Variants in DTD1 observed in about 807,000 individuals in gnomAD.
DTD1 encodes the protein D-tyrosyl-tRNA deacylase 1 homolog.
Under a neutral mutation model 25.6 loss-of-function variants are expected in DTD1, and 13 were observed. The observed-to-expected ratio is 0.51, with a 90% CI of 0.33 to 0.81. The LOEUF is 0.81. Ranked by LOEUF, DTD1 falls within the 30% of genes least tolerant of loss-of-function variation. DTD1 has a pLI of 0.02. For synonymous variants in DTD1, 110 were observed against 103.6 expected (o/e 1.06, Z -0.37); for missense variants, 193 against 266.4 (o/e 0.72, Z 1.92).
chr20:18,750,618 C>T (rs1884787), intron 5 of DTD1, among the ~76,000 whole-genome samples: 82,684 of 152,048 alleles, frequency 0.54, 23,660 homozygotes, highest in Non-Finnish European at 0.62. Flanking sequence ...TGTCACATTG[C>T]AAATGTTGCT....
chr20:18,757,699 C>T lies in DTD1; in HGVS notation c.*20-5661C>T, dbSNP rs9753686. Among the ~76,000 whole-genome samples, 834 of 152,226 alleles carry T rather than the reference C, an allele frequency of 5.5e-3. 6 individuals carry two copies. The highest frequency in any genetic ancestry group is 0.019 in the African/African-American group (794 of 41,522). Reference sequence around the variant, plus strand: ...AGTATTTTATTGAGGATTTTTGCATCGATGTTCATCAGGGATATTGGTCTA... The same window carrying T: ...AGTATTTTATTGAGGATTTTTGCATTGATGTTCATCAGGGATATTGGTCTA... On this transcript the variant is annotated intron_variant, in intron 5 of 5. Coordinates refer to ENST00000377452, the MANE Select transcript of DTD1 (RefSeq NM_080820.6).
chr20:18,687,288 G>A, intron 4 of DTD1, among the ~76,000 whole-genome samples: 1 of 152,198 alleles, frequency 6.6e-6, no homozygotes, highest in East Asian at 1.9e-4. Flanking sequence ...CAGCACACAG[G>A]GTGTGAGGGT....
chr20:18,640,739 T>C (rs191260963), intron 4 of DTD1, among the ~76,000 whole-genome samples: 2 of 151,638 alleles, frequency 1.3e-5, no homozygotes, highest in African/African-American at 2.4e-5. Flanking sequence ...CAAGCAATTC[T>C]CCTGCCTCAG....
chr20:18,605,997 A>G (rs1356417046), intron 3 of DTD1, among the ~76,000 whole-genome samples: 1 of 145,554 alleles, frequency 6.9e-6, no homozygotes, highest in Non-Finnish European at 1.5e-5. Flanking sequence ...GGCAACCTAC[A>G]AAATGGGAGA....
chr20:18,637,601 T>G (rs970254373), intron 4 of DTD1, among the ~76,000 whole-genome samples: 3 of 152,230 alleles, frequency 2.0e-5, no homozygotes, highest in African/African-American at 7.2e-5. Flanking sequence ...CTTACTCATC[T>G]GTCGAAGTGT....
chr20:18,763,498 A>G lies in DTD1; in HGVS notation c.*158A>G, dbSNP rs997550206. 5 of 152,704 alleles carry G rather than the reference A, an allele frequency of 3.3e-5. No individual in the cohort carries two copies. The highest frequency in any genetic ancestry group is 6.5e-5 in the Admixed American group (1 of 15,290). The allele number at this position is 152,704 out of a possible 1,614,324, so 9.5% of individuals were successfully genotyped here. A position where few individuals can be genotyped will look rare whatever the true frequency, so the allele number is the denominator to read the frequency against. ...GAACCTGAATAGCTCTGCAAAAAAC[A>G]CCAAAGGACCGTTTTATCGTTTTCT... On this transcript the variant is annotated 3_prime_UTR_variant, in exon 6 of 6. Transcript: ENST00000377452.
intron 3 of DTD1, among the ~76,000 whole-genome samples, chr20:18,615,985 A>C (rs75039951): frequency 3.9e-4 from 59 of 152,326 alleles, no homozygotes; most frequent in Non-Finnish European, 8.1e-4. Context: ...TTTACTATTT[A>C]AAGCATTTTA....
At chr20:18,699,370 A>T (rs888599915) in intron 4 of DTD1, among the ~76,000 whole-genome samples, 1 of 152,184 alleles carries the variant, frequency 6.6e-6, no homozygotes, top group Non-Finnish European at 1.5e-5. Context: ...GGAACAGAGA[A>T]GGCCAGAGAA....
intron 4 of DTD1, among the ~76,000 whole-genome samples, chr20:18,640,374 C>A (rs571620147): frequency 5.3e-5 from 8 of 152,044 alleles, no homozygotes; most frequent in African/African-American, 1.7e-4. Context: ...GTTTAAGATA[C>A]ACTAAAAATA....
Position 18,617,728 on chromosome 20 carries a change from TTTG to T in DTD1, c.371-10398_371-10396del, listed in dbSNP as rs554675275. ...TTATTTTTTTCTATCCATCTATCCA[TTTG>T]CAAATGTGAGCAAATATGAATTTTA... On this transcript the variant is annotated intron_variant, in intron 3 of 5. Coordinates refer to ENST00000377452, the MANE Select transcript of DTD1 (RefSeq NM_080820.6). 6.8e-3 allele frequency among the ~76,000 whole-genome samples: 1,033 copies of T among 152,298 alleles called. 9 individuals carry two copies. Among genetic ancestry groups the T allele is most frequent in the Middle Eastern group, 0.031 (9 of 294 alleles).
chr20:18,607,807 A>AGG (rs1185572785), intron 3 of DTD1, among the ~76,000 whole-genome samples: 3 of 151,428 alleles, frequency 2.0e-5, no homozygotes, highest in African/African-American at 7.3e-5. Context: ...TCTGCCTCCC[A>AGG]GGTTCAAGCG....
chr20:18,651,474 G>A (rs1284645639), intron 4 of DTD1, among the ~76,000 whole-genome samples: 1 of 152,214 alleles, frequency 6.6e-6, no homozygotes, highest in African/African-American at 2.4e-5. Flanking sequence ...TTTAAAAATT[G>A]TTGGTACATA....
chr20:18,609,096 A>G (rs2060675538), intron 3 of DTD1, among the ~76,000 whole-genome samples: 1 of 151,980 alleles, frequency 6.6e-6, no homozygotes. Context: ...TCAATGTTGA[A>G]CTGCAGTATC....
intron 4 of DTD1, among the ~76,000 whole-genome samples, chr20:18,673,391 T>C (rs575379826): frequency 6.6e-6 from 1 of 152,278 alleles, no homozygotes; most frequent in East Asian, 1.9e-4. Flanking sequence ...TTACAAGTTA[T>C]TGGGAGAGGG....
chr20:18,708,234 A>ATATATAT (rs2061137119), intron 4 of DTD1, among the ~76,000 whole-genome samples: 6 of 3,130 alleles, frequency 1.9e-3, no homozygotes, highest in Non-Finnish European at 6.9e-3. Flanking sequence ...TATATATTTT[A>ATATATAT]TATATATATA....
In DTD1 at chr20:18,744,371, C is replaced by G; in HGVS notation, c.*19+100C>G. 3.9e-6 allele frequency: 5 copies of G among 1,278,696 alleles called. No individual in the cohort carries two copies. The South Asian group carries it at 7.6e-5, about 19-fold the overall frequency. The allele number at this position is 1,278,696 out of a possible 1,614,324, so 79.2% of individuals were successfully genotyped here. On this transcript the variant is annotated intron_variant, in intron 5 of 5. Coordinates refer to ENST00000377452, the MANE Select transcript of DTD1 (RefSeq NM_080820.6). ...GAGGCTGAATTCATTCATTTCACAG[C>G]GTTCATCCATAGCTTCCTTAAATCT...
At position 18,732,146 on chromosome 20, in the gene DTD1, T is replaced by C. The variant is rs117979151; in HGVS notation, c.478-11954T>C. ...CTGTTCCAAATCTGCTTGCTTGGCA[T>C]TTATACAAGGTATAGACCAAGTGGG... On this transcript the variant is annotated intron_variant, in intron 4 of 5. Transcript: ENST00000377452. 7.8e-3 allele frequency among the ~76,000 whole-genome samples: 1,186 copies of C among 152,376 alleles called. 8 individuals carry two copies. Among genetic ancestry groups the C allele is most frequent in the Non-Finnish European group, 0.012 (849 of 68,042 alleles).
chr20:18,709,120 C>A (rs999667562), intron 4 of DTD1, among the ~76,000 whole-genome samples: 1 of 152,126 alleles, frequency 6.6e-6, no homozygotes, highest in Non-Finnish European at 1.5e-5. Flanking sequence ...ATGTACAGAG[C>A]GTGTTATTTC....
intron 3 of DTD1, among the ~76,000 whole-genome samples, chr20:18,615,174 C>T (rs6081246): frequency 0.081 from 12,231 of 151,922 alleles, 674 homozygotes; most frequent in East Asian, 0.26. Flanking sequence ...CAGCCTACCC[C>T]GATTCAAGGG....
Sources: allele counts gnomAD v4.1 joint callset (sites outside exome capture counted in the v4.1 genomes callset), GRCh38; gene constraint gnomAD v4.1.1; transcripts MANE v1.5; gene names NCBI Gene and HGNC (gene_info 2026-07-23, HGNC 2026-07-21).